CHCHD3: variants seen among roughly 807,000 people sequenced by gnomAD.
The protein encoded by CHCHD3 is MICOS complex subunit MIC19.
Under a neutral mutation model 38.2 loss-of-function variants are expected in CHCHD3, and 20 were observed. The observed-to-expected ratio is 0.52, with a 90% CI of 0.37 to 0.76. The LOEUF (loss-of-function observed/expected upper bound fraction) is 0.76, where lower values mean the gene tolerates loss of function less well. CHCHD3 is among the 30% of genes least tolerant of loss of function. The probability of loss-of-function intolerance (pLI) is 0.00; values close to 1 mark genes in which losing one functional copy is unlikely to be tolerated. For missense variants in CHCHD3, 245 were observed against 279.2 expected, an observed-to-expected ratio of 0.88 and a Z score of 0.87; for synonymous variants, 82 against 100.0, an observed-to-expected ratio of 0.82 and a Z score of 1.07.
chr7:133,034,712 A>T, intron 2 of CHCHD3: 1 of 1,613,460 alleles, frequency 6.2e-7, no homozygotes, highest in Non-Finnish European at 8.5e-7. Flanking sequence ...CTCTGCCAGG[A>T]TCCAGTTTCC....
chr7:132,821,226 G>A (rs1807365160), intron 6 of CHCHD3, among the ~76,000 whole-genome samples: 1 of 151,960 alleles, frequency 6.6e-6, no homozygotes, highest in Non-Finnish European at 1.5e-5. Flanking sequence ...ATTATTAATA[G>A]CTCACTATTC....
intron 3 of CHCHD3, among the ~76,000 whole-genome samples, chr7:132,994,753 T>C (rs890659766): frequency 2.6e-5 from 4 of 152,206 alleles, no homozygotes; most frequent in African/African-American, 9.6e-5. Context: ...TGAATAAAGA[T>C]GGCCCTATAT....
intron 6 of CHCHD3, among the ~76,000 whole-genome samples, chr7:132,819,519 A>G (rs527744216): frequency 6.6e-6 from 1 of 152,158 alleles, no homozygotes; most frequent in Admixed American, 6.5e-5. Flanking sequence ...AGATGGAAAT[A>G]TTGATACTAA....
intron 4 of CHCHD3, among the ~76,000 whole-genome samples, chr7:132,896,564 G>A (rs1809505308): frequency 1.3e-5 from 2 of 152,048 alleles, no homozygotes; most frequent in Non-Finnish European, 2.9e-5. Flanking sequence ...AAGAACACTC[G>A]TCACAATCCC....
chr7:133,031,149 G>C (rs1390567326), intron 2 of CHCHD3, among the ~76,000 whole-genome samples: 1 of 152,140 alleles, frequency 6.6e-6, no homozygotes, highest in Non-Finnish European at 1.5e-5. Flanking sequence ...CTTAGGAAAT[G>C]TGAGGAAATT....
At chr7:132,973,940 A>C in intron 4 of CHCHD3, 1 of 1,281,508 alleles carries the variant, frequency 7.8e-7, no homozygotes, top group Non-Finnish European at 1.0e-6. Flanking sequence ...GGTTCCGAGG[A>C]GTAACATCTG....
At chr7:132,927,940 CA>C (rs137999712) in intron 4 of CHCHD3, among the ~76,000 whole-genome samples, 18 of 151,940 alleles carry the variant, frequency 1.2e-4, no homozygotes, top group African/African-American at 4.4e-4. Context: ...TTTATTCATA[CA>C]AAAAAAATTG....
Position 132,788,175 on chromosome 7 carries a change from C to T in CHCHD3, c.661-2515G>A, listed in dbSNP as rs1319769537. On this transcript the variant is annotated intron_variant, in intron 7 of 7. Transcript: ENST00000262570. This position sits in a 1 kb window ranked among gnomAD's most constrained non-coding sequence, Gnocchi z 4.0. ...TCCAGATATATAGACAACCTCACTA[C>T]ATCATGCTTTATTAAATACAAAATG... 1.3e-5 allele frequency among the ~76,000 whole-genome samples: 2 copies of T among 152,186 alleles called. No homozygotes were observed. Among genetic ancestry groups the T allele is most frequent in the Non-Finnish European group, 2.9e-5 (2 of 68,044 alleles).
chr7:132,986,046 T>C (rs1306134229), intron 3 of CHCHD3, among the ~76,000 whole-genome samples: 1 of 150,394 alleles, frequency 6.6e-6, no homozygotes, highest in Non-Finnish European at 1.5e-5. Context: ...ACTTTTCATT[T>C]TGTTCTGTAC....
chr7:133,014,848 G>A (rs955194730), intron 3 of CHCHD3, among the ~76,000 whole-genome samples: 1 of 151,728 alleles, frequency 6.6e-6, no homozygotes, highest in Non-Finnish European at 1.5e-5. Flanking sequence ...TCAGGAAATC[G>A]CTAGTGAGCA....
In CHCHD3 at chr7:132,831,962, G is replaced by A. The variant is rs573104911; in HGVS notation, c.524+6437C>T. On this transcript the variant is annotated intron_variant, in intron 6 of 7. Transcript: ENST00000262570. ...AGAAACACCTGCTGATACTATTGGC[G>A]TGTCTTCCTCGGCTTCACCAATTCA... Among the ~76,000 whole-genome samples, 3 of 152,056 alleles carry A rather than the reference G, an allele frequency of 2.0e-5. No homozygotes were observed. In the East Asian group the frequency reaches 5.8e-4, roughly 29 times the overall value.
At chr7:132,808,846 T>C (rs774998164) in intron 6 of CHCHD3, among the ~76,000 whole-genome samples, 3 of 151,810 alleles carry the variant, frequency 2.0e-5, no homozygotes, top group Non-Finnish European at 4.4e-5. Flanking sequence ...TAACTCGTCA[T>C]CTAGCATTAG....
intron 4 of CHCHD3, among the ~76,000 whole-genome samples, chr7:132,964,881 C>T (rs1449474363): frequency 1.3e-5 from 2 of 152,164 alleles, no homozygotes; most frequent in South Asian, 2.1e-4. Context: ...AAAATGGTTT[C>T]TATGGAAATG....
intron 3 of CHCHD3, among the ~76,000 whole-genome samples, chr7:133,002,924 G>C (rs1158984529): frequency 1.3e-5 from 2 of 152,178 alleles, no homozygotes; most frequent in Admixed American, 1.3e-4. Context: ...ACACTGTTAT[G>C]TAGTTTGATT....
chr7:132,803,165 T>C (rs1806832244), intron 6 of CHCHD3, among the ~76,000 whole-genome samples: 1 of 152,158 alleles, frequency 6.6e-6, no homozygotes, highest in Non-Finnish European at 1.5e-5. Flanking sequence ...TAGCCCTTGG[T>C]TATAATAATT....
At chr7:133,046,084 G>A (rs970031860) in intron 2 of CHCHD3, among the ~76,000 whole-genome samples, 5 of 152,014 alleles carry the variant, frequency 3.3e-5, no homozygotes, top group Non-Finnish European at 7.4e-5. Context: ...TTTTTAGTGA[G>A]GTCTTACATT....
intron 2 of CHCHD3, among the ~76,000 whole-genome samples, chr7:133,064,058 C>T (rs1418813278): frequency 2.0e-5 from 3 of 152,206 alleles, no homozygotes; most frequent in African/African-American, 7.2e-5. Flanking sequence ...CATTCTATCT[C>T]ACTCACATGT....
intron 3 of CHCHD3, among the ~76,000 whole-genome samples, chr7:133,017,982 G>A (rs1406783958): frequency 6.6e-6 from 1 of 152,140 alleles, no homozygotes; most frequent in African/African-American, 2.4e-5. Flanking sequence ...AAAATACTGG[G>A]TGGCTAGGAC....
chr7:133,080,425 G>C (rs76106137), intron 1 of CHCHD3, among the ~76,000 whole-genome samples: 3,981 of 152,274 alleles, frequency 0.026, 181 homozygotes, highest in African/African-American at 0.091. Context: ...TTAGCACTGT[G>C]TCTGTACTAA....
Sources: gnomAD v4.1 joint callset for allele counts (sites outside exome capture counted in the v4.1 genomes callset) on GRCh38, gnomAD v4.1.1 for gene constraint, Gnocchi (gnomAD v3.1) non-coding constraint, MANE v1.5 for transcripts, NCBI Gene and HGNC (gene_info 2026-07-23, HGNC 2026-07-21) for gene names.